The following ASIP variants were observed in gnomAD, a reference collection of about 807,000 sequenced individuals.
The protein encoded by ASIP is agouti signaling protein, also known as agouti-signaling protein.
In ASIP, 11 loss-of-function variants were observed where a neutral mutation model predicts 10.3. That is an observed-to-expected ratio of 1.07 (90% confidence interval 0.68 to 1.78). The LOEUF is 1.78. Among genes scored for constraint, ASIP ranks in the 40% most tolerant of loss-of-function variants. ASIP has a pLI of 0.00. For synonymous variants in ASIP, 70 were observed against 70.8 expected (o/e 0.99, Z 0.06); for missense variants, 180 against 169.2 (o/e 1.06, Z -0.35).
At chr20:34,225,256 G>A (rs2035085031) in intron 1 of ASIP, among the ~76,000 whole-genome samples, 2 of 152,138 alleles carry the variant, frequency 1.3e-5, no homozygotes, top group South Asian at 4.2e-4. Context: ...GGTCAGACTG[G>A]TCTCAAACTC....
intron 1 of ASIP, among the ~76,000 whole-genome samples, chr20:34,202,427 A>C (rs1468245323): frequency 6.6e-6 from 1 of 152,238 alleles, no homozygotes; most frequent in Non-Finnish European, 1.5e-5. Flanking sequence ...TGAATTTTAA[A>C]TTTTATTTAC....
At chr20:34,263,437 C>T (rs901570613) in intron 3 of ASIP, among the ~76,000 whole-genome samples, 5 of 151,824 alleles carry the variant, frequency 3.3e-5, no homozygotes, top group African/African-American at 7.3e-5. Context: ...TGGTGGTGGG[C>T]GCCTGTAATC....
At chr20:34,237,196 A>AT (rs1278765207), upstream of ASIP, among the ~76,000 whole-genome samples, 1 of 152,010 alleles carries the variant, frequency 6.6e-6, no homozygotes, top group Non-Finnish European at 1.5e-5. Context: ...TTTCAAGATT[A>AT]TTTTGGCTAT....
At chr20:34,210,060 GA>G (rs2034964051) in intron 1 of ASIP, among the ~76,000 whole-genome samples, 1 of 152,178 alleles carries the variant, frequency 6.6e-6, no homozygotes, top group Non-Finnish European at 1.5e-5. Flanking sequence ...GGCCTCCTCT[GA>G]GCTATTTTGT....
chr20:34,252,750 C>T (rs938662437), intron 1 of ASIP, among the ~76,000 whole-genome samples: 3 of 152,156 alleles, frequency 2.0e-5, no homozygotes, highest in African/African-American at 7.2e-5. Flanking sequence ...GGCCATATCT[C>T]AGGCTGTCTC....
chr20:34,228,000 T>G (rs1049887049), intron 1 of ASIP, among the ~76,000 whole-genome samples: 4 of 152,200 alleles, frequency 2.6e-5, no homozygotes, highest in Non-Finnish European at 5.9e-5. Flanking sequence ...AATATAATCT[T>G]TTCAGCAAAT....
At chr20:34,226,711 A>G (rs1236444022) in intron 1 of ASIP, among the ~76,000 whole-genome samples, 2 of 152,180 alleles carry the variant, frequency 1.3e-5, no homozygotes, top group African/African-American at 4.8e-5. Context: ...TCAGTCTGAT[A>G]AAGCTCATCT....
Position 34,212,762 on chromosome 20 carries a change from C to T in ASIP, c.-11+18002C>T, listed in dbSNP as rs576151860. Among the ~76,000 whole-genome samples, 11 of 152,242 alleles carry T rather than the reference C, an allele frequency of 7.2e-5. No homozygotes were observed. In the East Asian group the frequency reaches 1.9e-3, roughly 27 times the overall value. On this transcript the variant is annotated intron_variant, in intron 1 of 3. Transcript: ENST00000568305. ...TTTATCTGATGTTTTCCCACCTGCC[C>T]TTGTTAATTTTGATCACTCCATTGA...
chr20:34,215,823 A>C, intron 1 of ASIP: 2 of 1,515,206 alleles, frequency 1.3e-6, no homozygotes, highest in Non-Finnish European at 1.8e-6. Context: ...TGCTCAAAAT[A>C]GGCCAGGGCC....
At chr20:34,195,326 T>C (rs2057059) in intron 1 of ASIP, among the ~76,000 whole-genome samples, 18,407 of 151,930 alleles carry the variant, frequency 0.12, 3,809 homozygotes, top group African/African-American at 0.42. Context: ...AGCGTTTGGT[T>C]GGGAGTCTCC....
chr20:34,260,339 C>G (rs968026347), intron 1 of ASIP, 26 bp from the exon 2 acceptor site: 27 of 1,599,094 alleles, frequency 1.7e-5, no homozygotes, highest in Non-Finnish European at 2.2e-5. Flanking sequence ...ACCCACCCAC[C>G]TGACCACCTT....
At chr20:34,242,969 G>C (rs764041049) in intron 1 of ASIP, among the ~76,000 whole-genome samples, 3 of 152,258 alleles carry the variant, frequency 2.0e-5, no homozygotes, top group Non-Finnish European at 4.4e-5. Flanking sequence ...TACCCACTAA[G>C]GTCTTTGTTG....
chr20:34,267,084 T>TA (rs1158569680), intron 3 of ASIP, among the ~76,000 whole-genome samples: 11 of 152,156 alleles, frequency 7.2e-5, no homozygotes, highest in African/African-American at 2.7e-4. Flanking sequence ...TATTGACAGA[T>TA]AAAAATATAT....
At chr20:34,223,247 C>G (rs1312073529) in intron 1 of ASIP, among the ~76,000 whole-genome samples, 1 of 151,002 alleles carries the variant, frequency 6.6e-6, no homozygotes, top group East Asian at 2.0e-4. Context: ...GGCCGCCCAT[C>G]GTCTGAGATG....
At chr20:34,212,315 T>C (rs1291324560) in intron 1 of ASIP, among the ~76,000 whole-genome samples, 2 of 152,198 alleles carry the variant, frequency 1.3e-5, no homozygotes, top group Non-Finnish European at 2.9e-5. Flanking sequence ...TTTGCTTTAT[T>C]ATTTTGTGCC....
chr20:34,246,392 G>T, intron 1 of ASIP: 1 of 1,373,570 alleles, frequency 7.3e-7, no homozygotes, highest in South Asian at 1.2e-5. Flanking sequence ...TTTACAATGA[G>T]CAACATCAGG....
chr20:34,257,025 A>G (rs949144245), intron 1 of ASIP, among the ~76,000 whole-genome samples: 1 of 150,426 alleles, frequency 6.6e-6, no homozygotes, highest in African/African-American at 2.5e-5. Flanking sequence ...TTTAAAGTTG[A>G]ATTTCTTTCT....
upstream of ASIP, among the ~76,000 whole-genome samples, chr20:34,192,591 A>G (rs574658588): frequency 7.1e-6 from 1 of 141,800 alleles, no homozygotes; most frequent in African/African-American, 2.7e-5. Flanking sequence ...ACCCTTTGGG[A>G]TTGGGAGTGT....
intron 1 of ASIP, among the ~76,000 whole-genome samples, chr20:34,249,120 C>A (rs1236501318): frequency 6.6e-6 from 1 of 151,848 alleles, no homozygotes; most frequent in Non-Finnish European, 1.5e-5. Flanking sequence ...CAGAGTGAGA[C>A]CCTGTCTCGA....
Sources: gnomAD v4.1 joint callset for allele counts (sites outside exome capture counted in the v4.1 genomes callset) on GRCh38, gnomAD v4.1.1 for gene constraint, MANE v1.5 for transcripts, NCBI Gene and HGNC (gene_info 2026-07-23, HGNC 2026-07-21) for gene names.